ADK: variants seen among roughly 807,000 people sequenced by gnomAD.
ADK encodes adenosine kinase.
In ADK, 24 loss-of-function variants were observed where a neutral mutation model predicts 44.7. The observed-to-expected ratio is 0.54, with a 90% CI of 0.39 to 0.76. ADK has a LOEUF of 0.76. Among genes scored for constraint, ADK ranks in the 30% least tolerant of loss-of-function variants. The pLI, the probability that ADK is intolerant of heterozygous loss-of-function variation, is 0.00. For missense variants in ADK, 321 were observed against 425.1 expected (o/e 0.76, Z 2.15); for synonymous variants, 128 against 142.6 (o/e 0.90, Z 0.73).
chr10:74,181,266 T>C (rs1842548576), intron 1 of ADK, among the ~76,000 whole-genome samples: 2 of 152,284 alleles, frequency 1.3e-5, no homozygotes, highest in South Asian at 4.1e-4. Flanking sequence ...CTTTAGGAAT[T>C]CCTAAATAAT....
intron 6 of ADK, among the ~76,000 whole-genome samples, chr10:74,406,000 C>T (rs1341237283): frequency 6.6e-6 from 1 of 152,148 alleles, no homozygotes; most frequent in African/African-American, 2.4e-5. Context: ...CTTAACTGCT[C>T]TGAAATTCCC....
intron 9 of ADK, among the ~76,000 whole-genome samples, chr10:74,651,698 C>T (rs1306931650): frequency 6.6e-6 from 1 of 152,062 alleles, no homozygotes; most frequent in African/African-American, 2.4e-5. Context: ...TTAAATACTC[C>T]CACCATCAAT....
In ADK at chr10:74,652,354, T is replaced by C. The variant is rs151105740; in HGVS notation, c.878-17829T>C. Reference sequence around the variant, plus strand: ...CCAGCACACCTGGCCAGGAACTTTCTTAGATGAAAATATTCATAGCAGCAT... The same window carrying C: ...CCAGCACACCTGGCCAGGAACTTTCCTAGATGAAAATATTCATAGCAGCAT... On this transcript the variant is annotated intron_variant, in intron 9 of 10. Transcript: ENST00000539909. Among the ~76,000 whole-genome samples, 397 of 152,060 alleles carry C rather than the reference T, an allele frequency of 2.6e-3. 4 individuals carry two copies. The highest frequency in any genetic ancestry group is 9.1e-3 in the African/African-American group (379 of 41,502).
intron 3 of ADK, among the ~76,000 whole-genome samples, chr10:74,291,931 A>T (rs1404814160): frequency 1.3e-5 from 2 of 152,174 alleles, no homozygotes; most frequent in African/African-American, 4.8e-5. Context: ...ATATTGTAAA[A>T]CAGGAAATTT....
At chr10:74,382,030 A>G (rs1222229457) in intron 4 of ADK, among the ~76,000 whole-genome samples, 1 of 152,150 alleles carries the variant, frequency 6.6e-6, no homozygotes, top group Non-Finnish European at 1.5e-5. Flanking sequence ...GGGCAGATGC[A>G]TTTGAGTGAC....
At chr10:74,201,692 C>G (rs145141916) in intron 2 of ADK, among the ~76,000 whole-genome samples, 6,475 of 119,476 alleles carry the variant, frequency 0.054, 233 homozygotes, top group African/African-American at 0.12. Context: ...ATCTATCTAT[C>G]TATCTATCTA....
chr10:74,151,464 C>A, intron 1 of ADK, 121 bp downstream of exon 1: 2 of 1,082,224 alleles, frequency 1.8e-6, no homozygotes, highest in Non-Finnish European at 1.4e-6. Context: ...GGCCAACACG[C>A]AGGACCTCCC....
chr10:74,577,508 G>T (rs1382768243), intron 7 of ADK, among the ~76,000 whole-genome samples: 1 of 150,936 alleles, frequency 6.6e-6, no homozygotes, highest in Non-Finnish European at 1.5e-5. Flanking sequence ...CTCTGAAGAG[G>T]CTTTTGGTAG....
chr10:74,339,133 T>C (rs1841504610), intron 4 of ADK, among the ~76,000 whole-genome samples: 1 of 152,076 alleles, frequency 6.6e-6, no homozygotes, highest in South Asian at 2.1e-4. Flanking sequence ...TTTTTATTTT[T>C]ATTTTTTGTA....
chr10:74,415,738 C>G (rs1027207684), intron 6 of ADK, among the ~76,000 whole-genome samples: 4 of 151,898 alleles, frequency 2.6e-5, no homozygotes, highest in Non-Finnish European at 5.9e-5. Flanking sequence ...AATGTTATAC[C>G]CATCAGTAGT....
intron 4 of ADK, among the ~76,000 whole-genome samples, chr10:74,320,561 A>T (rs1840773627): frequency 1.3e-5 from 2 of 151,694 alleles, no homozygotes; most frequent in Admixed American, 6.6e-5. Flanking sequence ...ATCTTCAAAA[A>T]TTTTTTTCTT....
chr10:74,394,697 CAG>C (rs766040515), intron 5 of ADK, among the ~76,000 whole-genome samples: 1 of 151,850 alleles, frequency 6.6e-6, no homozygotes, highest in Non-Finnish European at 1.5e-5. Context: ...GAGAGAGAGA[CAG>C]AGAGACAGAG....
rs368428684 is a variant in ADK at position 74,227,660 on chromosome 10, A to G, written c.194+3069A>G. ...GGAGTTCAAGACCAGCCTGGCCAAG[A>G]TGGTGAAACCCTGTCTCTACTAAAA... On this transcript the variant is annotated intron_variant, in intron 3 of 10. Coordinates refer to ENST00000539909, the MANE Select transcript of ADK (RefSeq NM_006721.4). Among the ~76,000 whole-genome samples the G allele has an allele frequency of 1.4e-4, 22 of 152,328 alleles. 2 individuals are homozygous for G. The highest frequency in any genetic ancestry group is 5.9e-4 in the Admixed American group (9 of 15,306).
intron 6 of ADK, among the ~76,000 whole-genome samples, chr10:74,500,852 T>C (rs943972055): frequency 6.6e-6 from 1 of 152,196 alleles, no homozygotes; most frequent in African/African-American, 2.4e-5. Context: ...GCTTCAGCAA[T>C]AAAGAAATTA....
At chr10:74,494,928 A>G (rs902176937) in intron 6 of ADK, among the ~76,000 whole-genome samples, 4 of 152,164 alleles carry the variant, frequency 2.6e-5, no homozygotes, top group Admixed American at 2.0e-4. Context: ...ATCTCTGTTT[A>G]CTCACTCTGG....
At chr10:74,439,826 A>C (rs1483614536) in intron 6 of ADK, among the ~76,000 whole-genome samples, 7 of 152,032 alleles carry the variant, frequency 4.6e-5, no homozygotes. Context: ...ATAATCACAG[A>C]TTTTCCTTAT....
intron 9 of ADK, among the ~76,000 whole-genome samples, chr10:74,638,583 G>C (rs1853706289): frequency 6.6e-6 from 1 of 152,208 alleles, no homozygotes; most frequent in South Asian, 2.1e-4. Context: ...ATGAGCTGAG[G>C]AGCTCGAGGT....
chr10:74,603,870 T>C (rs1212743377), intron 9 of ADK, among the ~76,000 whole-genome samples: 2 of 152,222 alleles, frequency 1.3e-5, no homozygotes, highest in Admixed American at 6.5e-5. Flanking sequence ...CCACCAACAG[T>C]GTAAAAGCAT....
At chr10:74,159,006 G>A (rs973566045) in intron 1 of ADK, among the ~76,000 whole-genome samples, 1 of 152,184 alleles carries the variant, frequency 6.6e-6, no homozygotes, top group African/African-American at 2.4e-5. Context: ...TTCACATACT[G>A]CTTGAAGAAG....
Sources: allele counts gnomAD v4.1 joint callset (sites outside exome capture counted in the v4.1 genomes callset), GRCh38; gene constraint gnomAD v4.1.1; transcripts MANE v1.5; gene names NCBI Gene and HGNC (gene_info 2026-07-23, HGNC 2026-07-21).